PDZRN4: variants seen among roughly 807,000 people sequenced by gnomAD.
PDZRN4 encodes the protein PDZ domain containing ring finger 4, also known as PDZ domain-containing RING finger protein 4.
In PDZRN4, 70 loss-of-function variants were observed where a neutral mutation model predicts 99.0. The ratio of observed to expected loss-of-function variants is 0.71; its 90% confidence interval spans 0.58 to 0.86. The LOEUF (loss-of-function observed/expected upper bound fraction) is 0.86, where lower values mean the gene tolerates loss of function less well. Among genes scored for constraint, PDZRN4 ranks in the 40% least tolerant of loss-of-function variants. The probability of loss-of-function intolerance (pLI) is 0.00; values close to 1 mark genes in which losing one functional copy is unlikely to be tolerated. For synonymous variants in PDZRN4, 551 were observed against 501.6 expected (o/e 1.10, Z -1.32); for missense variants, 1,474 against 1,331.2 (o/e 1.11, Z -1.67).
chr12:41,196,346 T>G (rs1950772798), intron 3 of PDZRN4, among the ~76,000 whole-genome samples: 1 of 152,104 alleles, frequency 6.6e-6, no homozygotes, highest in Admixed American at 6.5e-5. Flanking sequence ...ATGATATAGA[T>G]TTTTCAATGT....
Position 41,563,597 on chromosome 12 carries a change from C to CTAA in PDZRN4, c.1416_1418dup (p.Asn473dup). 3 of 1,613,590 alleles carry CTAA rather than the reference C, an allele frequency of 1.9e-6. No homozygotes were observed. The highest frequency in any genetic ancestry group is 2.5e-6 in the Non-Finnish European group (3 of 1,179,640). On this transcript the variant is annotated inframe_insertion, in exon 8 of 10. Coordinates refer to ENST00000402685, the MANE Select transcript of PDZRN4 (RefSeq NM_001164595.2). ...CGAGAAGAAGCAGTGGCCTTGCTGT[C>CTAA]TAACGATGAGTGTAAGAGAATCGTG... is the stretch of plus-strand genomic sequence containing the variant.
At chr12:41,501,320 C>CA (rs1010982409) in intron 3 of PDZRN4, among the ~76,000 whole-genome samples, 6 of 151,934 alleles carry the variant, frequency 3.9e-5, no homozygotes, top group African/African-American at 1.2e-4. Context: ...AAAAGAAAAT[C>CA]AAAAAAGGCT....
chr12:41,256,944 C>G (rs1006880861), intron 3 of PDZRN4, among the ~76,000 whole-genome samples: 1 of 152,124 alleles, frequency 6.6e-6, no homozygotes, highest in African/African-American at 2.4e-5. Flanking sequence ...ATACATATCA[C>G]CATATTTCAT....
At chr12:41,524,790 C>A (rs571994633) in intron 5 of PDZRN4, among the ~76,000 whole-genome samples, 3 of 151,696 alleles carry the variant, frequency 2.0e-5, no homozygotes, top group Non-Finnish European at 2.9e-5. Context: ...TGCCTTTTGG[C>A]GAATACACTG....
intron 3 of PDZRN4, among the ~76,000 whole-genome samples, chr12:41,331,855 C>T (rs778899246): frequency 5.3e-5 from 8 of 152,022 alleles, no homozygotes; most frequent in Non-Finnish European, 8.8e-5. Context: ...CCAGTCCCTC[C>T]CATGACACAT....
intron 3 of PDZRN4, among the ~76,000 whole-genome samples, chr12:41,244,981 C>G (rs1402500294): frequency 6.6e-6 from 1 of 152,118 alleles, no homozygotes; most frequent in East Asian, 1.9e-4. Context: ...TGAGCCACCG[C>G]GCCCGGCCCA....
chr12:41,295,481 C>A (rs1951486336), intron 3 of PDZRN4, among the ~76,000 whole-genome samples: 1 of 151,814 alleles, frequency 6.6e-6, no homozygotes, highest in Admixed American at 6.6e-5. Context: ...TTAGGAAAGT[C>A]AGAAAAAGAA....
chr12:41,279,541 G>A (rs984824831), intron 3 of PDZRN4, among the ~76,000 whole-genome samples: 2 of 152,022 alleles, frequency 1.3e-5, no homozygotes, highest in Non-Finnish European at 2.9e-5. Context: ...TTCTATTTTG[G>A]TTTTTCTAGG....
chr12:41,395,054 G>A (rs954303246), intron 3 of PDZRN4, among the ~76,000 whole-genome samples: 1 of 151,896 alleles, frequency 6.6e-6, no homozygotes, highest in Non-Finnish European at 1.5e-5. Flanking sequence ...TATTTATATT[G>A]CTCCCACTAT....
intron 3 of PDZRN4, among the ~76,000 whole-genome samples, chr12:41,377,758 G>A (rs1952093016): frequency 6.6e-6 from 1 of 152,020 alleles, no homozygotes; most frequent in Non-Finnish European, 1.5e-5. Context: ...ATTGTAAATG[G>A]TATTTTCTTA....
chr12:41,206,745 A>G (rs1950853744), intron 3 of PDZRN4, among the ~76,000 whole-genome samples: 1 of 151,906 alleles, frequency 6.6e-6, no homozygotes, highest in Non-Finnish European at 1.5e-5. Context: ...TACTAAATGC[A>G]TAAATAAAAG....
intron 3 of PDZRN4, among the ~76,000 whole-genome samples, chr12:41,487,724 G>A (rs78132013): frequency 0.012 from 1,784 of 152,270 alleles, 30 homozygotes; most frequent in African/African-American, 0.041. Flanking sequence ...AATTGTAGTG[G>A]AAGCAACTGG....
chr12:41,343,369 C>G (rs1365055221), intron 3 of PDZRN4, among the ~76,000 whole-genome samples: 6 of 151,886 alleles, frequency 4.0e-5, no homozygotes, highest in Non-Finnish European at 8.8e-5. Flanking sequence ...AATGGCCTTT[C>G]AATTTTGTTT....
intron 3 of PDZRN4, among the ~76,000 whole-genome samples, chr12:41,444,502 T>C (rs1952707009): frequency 6.6e-6 from 1 of 152,114 alleles, no homozygotes; most frequent in African/African-American, 2.4e-5. Flanking sequence ...TACATTATAA[T>C]CACTATATTC....
rs568061753 is a variant in PDZRN4, at chr12:41,423,954, G to A, written c.844-82502G>A. Among the ~76,000 whole-genome samples the A allele has an allele frequency of 5.9e-5, 9 of 152,260 alleles. 1 individual carries two copies. Among genetic ancestry groups the A allele is most frequent in the Admixed American group, 1.3e-4 (2 of 15,284 alleles). ...AGTTAAACATGGTCTTGTAGTTCAC[G>A]TTGTAGGGTTGGAATTTAAGCCCAT... On this transcript the variant is annotated intron_variant, in intron 3 of 9. Coordinates refer to ENST00000402685, the MANE Select transcript of PDZRN4 (RefSeq NM_001164595.2).
intron 3 of PDZRN4, among the ~76,000 whole-genome samples, chr12:41,343,702 T>C (rs1951833459): frequency 6.9e-6 from 1 of 144,616 alleles, no homozygotes; most frequent in South Asian, 2.3e-4. Context: ...CAGTAAGTAT[T>C]GTATATTACA....
At chr12:41,443,940 G>GAGA (rs938609561) in intron 3 of PDZRN4, among the ~76,000 whole-genome samples, 1 of 152,044 alleles carries the variant, frequency 6.6e-6, no homozygotes, top group Non-Finnish European at 1.5e-5. Context: ...GATAAGTAAG[G>GAGA]AGAACCAAAA....
At chr12:41,304,265 T>C in intron 3 of PDZRN4, among the ~76,000 whole-genome samples, 1 of 152,166 alleles carries the variant, frequency 6.6e-6, no homozygotes. Flanking sequence ...CAAAAGGAGT[T>C]AAGTGATTAT....
intron 3 of PDZRN4, among the ~76,000 whole-genome samples, chr12:41,380,554 G>A (rs1409954291): frequency 6.6e-6 from 1 of 151,856 alleles, no homozygotes; most frequent in Admixed American, 6.6e-5. Context: ...ATATTTTATA[G>A]TTATAACGTC....
Sources: allele counts gnomAD v4.1 joint callset (sites outside exome capture counted in the v4.1 genomes callset), GRCh38; gene constraint gnomAD v4.1.1; transcripts MANE v1.5; gene names NCBI Gene and HGNC (gene_info 2026-07-23, HGNC 2026-07-21).